HIVEP3: variants seen among roughly 807,000 people sequenced by gnomAD.
HIVEP3 encodes the protein transcription factor HIVEP3.
In HIVEP3, 49 loss-of-function variants were observed where a neutral mutation model predicts 152.8. The observed-to-expected ratio is 0.32, with a 90% CI of 0.26 to 0.41. The LOEUF (loss-of-function observed/expected upper bound fraction) is 0.41. Among genes scored for constraint, HIVEP3 ranks in the 10% least tolerant of loss-of-function variants. The pLI is 1.00. For missense variants in HIVEP3, 2,790 were observed against 3,103.3 expected (o/e 0.90, Z 2.40); for synonymous variants, 1,269 against 1,289.0 (o/e 0.98, Z 0.33).
chr1:41,559,494 C>T (rs938458532), intron 5 of HIVEP3, among the ~76,000 whole-genome samples: 6 of 152,126 alleles, frequency 3.9e-5, no homozygotes, highest in Non-Finnish European at 7.3e-5. Flanking sequence ...AGGGATGCCC[C>T]TCTCAACCTG....
intron 1 of HIVEP3, among the ~76,000 whole-genome samples, chr1:41,851,784 G>A (rs989070366): frequency 6.6e-6 from 1 of 152,210 alleles, no homozygotes; most frequent in Non-Finnish European, 1.5e-5. Flanking sequence ...AGGGATTGGG[G>A]GTGGTGTCGA....
intron 3 of HIVEP3, among the ~76,000 whole-genome samples, chr1:41,617,906 A>C (rs914258654): frequency 6.6e-6 from 1 of 152,200 alleles, no homozygotes; most frequent in African/African-American, 2.4e-5. Context: ...TTCTTTTACA[A>C]AAGAGCCCTG....
At chr1:41,832,065 T>C (rs1471623723) in intron 1 of HIVEP3, among the ~76,000 whole-genome samples, 1 of 152,132 alleles carries the variant, frequency 6.6e-6, no homozygotes, top group Non-Finnish European at 1.5e-5. Context: ...AATCAGAATG[T>C]TTGGGGTCAG....
intron 1 of HIVEP3, among the ~76,000 whole-genome samples, chr1:41,965,093 T>G (rs544415430): frequency 6.6e-6 from 1 of 152,266 alleles, no homozygotes; most frequent in East Asian, 1.9e-4. Context: ...TTCTGCAGCC[T>G]CCACTGGTGA....
chr1:41,533,718 G>A lies in HIVEP3; in HGVS notation c.5208-8808C>T, dbSNP rs1336805741. Reference sequence around the variant, plus strand: ...CCTTTCCCATGCCGACATGGCCCCTGCCAGCCTCCGACCTGCACTCTTCTC... The same window carrying A: ...CCTTTCCCATGCCGACATGGCCCCTACCAGCCTCCGACCTGCACTCTTCTC... On this transcript the variant is annotated intron_variant, in intron 5 of 8. Transcript: ENST00000372583. The surrounding 1 kb of genome is among the most constrained non-coding windows in gnomAD (Gnocchi z 4.3). Among the ~76,000 whole-genome samples, 2 of 151,810 alleles carry A rather than the reference G, an allele frequency of 1.3e-5. No individual in the cohort carries two copies. The highest frequency in any genetic ancestry group is 2.9e-5 in the Non-Finnish European group (2 of 67,962).
At chr1:41,656,482 G>A (rs1008085116) in intron 2 of HIVEP3, among the ~76,000 whole-genome samples, 12 of 152,130 alleles carry the variant, frequency 7.9e-5, no homozygotes, top group Admixed American at 6.5e-4. Flanking sequence ...CCCCATGCCC[G>A]CCTTTCACCA....
At chr1:41,870,408 C>G (rs1644058036) in intron 1 of HIVEP3, among the ~76,000 whole-genome samples, 1 of 152,302 alleles carries the variant, frequency 6.6e-6, no homozygotes, top group East Asian at 1.9e-4. Flanking sequence ...GATTTACTGT[C>G]TGTCACCCTC....
Position 41,582,476 on chromosome 1 carries a change from C to G in HIVEP3, c.2322G>C (p.Gln774His). Reference protein sequence around the residue: ...VPSLEGPTGFQPRTPKPGSGS... With the variant: ...VPSLEGPTGFHPRTPKPGSGS... ...CGGACCCTGGCTTGGGAGTCCTTGG[C>G]TGGAAGCCCGTGGGTCCCTCCAAGG... The change falls in exon 4 of 9, where the codon CAG (glutamine) becomes CAC (histidine). Residue 774 changes from glutamine (Q) to histidine (H), a missense_variant. Coordinates refer to ENST00000372583, the MANE Select transcript of HIVEP3 (RefSeq NM_024503.5). This position sits in a 1 kb window ranked among gnomAD's most constrained non-coding sequence, Gnocchi z 4.7. 1 of 1,613,280 alleles carries G rather than the reference C, an allele frequency of 6.2e-7. No individual in the cohort carries two copies. The highest frequency in any genetic ancestry group is 1.1e-5 in the South Asian group (1 of 91,014).
At chr1:41,781,393 T>C (rs1649032719) in intron 1 of HIVEP3, among the ~76,000 whole-genome samples, 2 of 152,228 alleles carry the variant, frequency 1.3e-5, no homozygotes, top group African/African-American at 2.4e-5. Context: ...AGCTCCATAA[T>C]TGCTGCTGAA....
intron 5 of HIVEP3, among the ~76,000 whole-genome samples, chr1:41,563,338 C>T (rs1347402509): frequency 6.7e-6 from 1 of 150,324 alleles, no homozygotes; most frequent in Non-Finnish European, 1.5e-5. Context: ...TAGAGAGACT[C>T]CATCTCAAAA....
chr1:41,986,551 C>T (rs1645324493), intron 1 of HIVEP3, among the ~76,000 whole-genome samples: 1 of 151,658 alleles, frequency 6.6e-6, no homozygotes, highest in Non-Finnish European at 1.5e-5. Context: ...CACCACTCTC[C>T]TGCCTCAGCC....
At chr1:41,586,495 G>C (rs1258152741) in intron 3 of HIVEP3, among the ~76,000 whole-genome samples, 1 of 146,240 alleles carries the variant, frequency 6.8e-6, no homozygotes, top group African/African-American at 2.4e-5. Flanking sequence ...ATCCCTTGGC[G>C]AGGCCCTGGG....
intron 1 of HIVEP3, among the ~76,000 whole-genome samples, chr1:41,935,352 A>G (rs1372885386): frequency 6.6e-6 from 1 of 152,186 alleles, no homozygotes; most frequent in African/African-American, 2.4e-5. Flanking sequence ...AGACTATCCC[A>G]GATGATGTTA....
chr1:41,727,941 G>A (rs564253930), intron 1 of HIVEP3, among the ~76,000 whole-genome samples: 2 of 152,306 alleles, frequency 1.3e-5, no homozygotes, highest in African/African-American at 4.8e-5. Flanking sequence ...AGGGCCTGAC[G>A]GGTGCATGTT....
At chr1:41,981,432 G>C (rs1234976887) in intron 1 of HIVEP3, among the ~76,000 whole-genome samples, 2 of 151,886 alleles carry the variant, frequency 1.3e-5, no homozygotes, top group Non-Finnish European at 1.5e-5. Context: ...GGGCAGGAGG[G>C]AGGAAGTGGT....
At chr1:41,956,277 T>A (rs1387607656) in intron 1 of HIVEP3, among the ~76,000 whole-genome samples, 2 of 152,220 alleles carry the variant, frequency 1.3e-5, no homozygotes, top group African/African-American at 4.8e-5. Flanking sequence ...AAGCACACAC[T>A]GGAGATGGGG....
chr1:41,945,341 G>A (rs767586506), intron 1 of HIVEP3, among the ~76,000 whole-genome samples: 8 of 152,196 alleles, frequency 5.3e-5, no homozygotes, highest in Non-Finnish European at 1.0e-4. Flanking sequence ...GCCCAGCAGA[G>A]TGCATGTACC....
intron 2 of HIVEP3, among the ~76,000 whole-genome samples, chr1:41,692,845 A>G (rs1384384519): frequency 6.6e-6 from 1 of 152,248 alleles, no homozygotes; most frequent in Non-Finnish European, 1.5e-5. Context: ...AATAACCAGT[A>G]GCTCCCTATT....
chr1:41,896,498 A>G (rs1644529197), intron 1 of HIVEP3, among the ~76,000 whole-genome samples: 1 of 151,942 alleles, frequency 6.6e-6, no homozygotes, highest in African/African-American at 2.4e-5. Flanking sequence ...AATTCTACTC[A>G]AGTCTGTGAG....
Sources: allele counts gnomAD v4.1 joint callset (sites outside exome capture counted in the v4.1 genomes callset), GRCh38; gene constraint gnomAD v4.1.1; non-coding constraint Gnocchi (gnomAD v3.1); transcripts MANE v1.5; gene names NCBI Gene and HGNC (gene_info 2026-07-23, HGNC 2026-07-21).